Variants in RAB44 observed in about 807,000 individuals in gnomAD.
The protein encoded by RAB44 is ras-related protein Rab-44.
RAB44 carries 67 observed loss-of-function variants against 93.3 expected under a neutral mutation model. The observed-to-expected ratio is 0.72, with a 90% confidence interval of 0.59 to 0.88. The LOEUF (loss-of-function observed/expected upper bound fraction) is 0.88. Among genes scored for constraint, RAB44 ranks in the 40% least tolerant of loss-of-function variants. The probability of loss-of-function intolerance (pLI) is 0.00; values close to 1 mark genes in which losing one functional copy is unlikely to be tolerated. For synonymous variants in RAB44, 427 were observed against 520.3 expected, an observed-to-expected ratio of 0.82 and a Z score of 2.44; for missense variants, 1,064 against 1,261.7, an observed-to-expected ratio of 0.84 and a Z score of 2.37.
At position 36,721,529 on chromosome 6, in the gene RAB44, C is replaced by T; in HGVS notation, c.1395C>T (p.Asp465=). The stretch of plus-strand genomic sequence containing the variant: ...CAGAGCAGCCTGTTGAACCGCACGA[C>T]CCGGACCCCAACCAGGAGCCAGGGT... ...IRAEQPVEPH[D]PDPNQEPGST... Residue 465 remains aspartate (D), a synonymous_variant, in exon 9 of 14, where the codon GAC becomes GAT. Coordinates refer to ENST00000612677, the MANE Select transcript of RAB44 (RefSeq NM_001257357.2). 8.1e-7 allele frequency: 1 copy of T among 1,234,552 alleles called. No individual in the cohort carries two copies. Among genetic ancestry groups the T allele is most frequent in the Non-Finnish European group, 1.0e-6 (1 of 988,324 alleles). 76.5% of individuals were successfully genotyped at this position (1,234,552 alleles called of 1,614,324 possible). A position where few individuals can be genotyped will look rare whatever the true frequency, so the allele number is the denominator to read the frequency against.
chr6:36,727,646 C>G lies in RAB44; in HGVS notation c.2751C>G (p.Ser917=). Residue 917 remains serine (S), a synonymous_variant, in exon 11 of 14, where the codon TCC becomes TCG. Transcript: ENST00000612677. ...TGGTGCTCATGTACGACATCACCTCCCAGGAGAGCTTTGCCCACGTGCGCT... is the reference window on the plus strand; with the variant it reads ...TGGTGCTCATGTACGACATCACCTCGCAGGAGAGCTTTGCCCACGTGCGCT... ...DGVVLMYDIT[S]QESFAHVRYW... is the part of the protein sequence containing the mutation. The G allele has an allele frequency of 6.4e-7, 1 of 1,550,578 alleles. No homozygotes were observed. The highest frequency in any genetic ancestry group is 8.7e-7 in the Non-Finnish European group (1 of 1,146,970).
chr6:36,718,408 G>A, intron 6 of RAB44, 85 bp from the exon 7 acceptor site: 1 of 668,028 alleles, frequency 1.5e-6, no homozygotes, highest in Non-Finnish European at 2.1e-6. Flanking sequence ...ACCCCAGGTG[G>A]TGGAGGTGGA....
chr6:36,722,506 A>T lies in RAB44; in HGVS notation c.2372A>T (p.His791Leu). ...TAHAEEQGPP[H>L]SREPRAESRL... ...CACGCAGAAGAACAAGGCCCGCCTC[A>T]CTCCAGGGAACCAAGGGCAGAGAGC... Residue 791 changes from histidine to leucine, a missense_variant, in exon 9 of 14, where the codon CAC (histidine) becomes CTC (leucine). Transcript: ENST00000612677. 1 of 1,502,830 alleles carries T rather than the reference A, an allele frequency of 6.7e-7. No homozygotes were observed. Among genetic ancestry groups the T allele is most frequent in the Non-Finnish European group, 8.9e-7 (1 of 1,124,164 alleles). 93.1% of individuals were successfully genotyped at this position (1,502,830 alleles called of 1,614,324 possible). A position where few individuals can be genotyped will look rare whatever the true frequency, so the allele number is the denominator to read the frequency against.
At position 36,732,712 on chromosome 6, in the gene RAB44, G is replaced by T. The variant is rs1763389530; in HGVS notation, c.*619G>T. 1 of 152,114 alleles carries T rather than the reference G, an allele frequency of 6.6e-6. No individual in the cohort carries two copies. The highest frequency in any genetic ancestry group is 2.4e-5 in the African/African-American group (1 of 41,402). The allele number at this position is 152,114 out of a possible 1,614,324, so 9.4% of individuals were successfully genotyped here. A position where few individuals can be genotyped will look rare whatever the true frequency, so the allele number is the denominator to read the frequency against. On this transcript the variant is annotated 3_prime_UTR_variant, in exon 14 of 14. Transcript: ENST00000612677. ...TCTTCCCAGCAGAATCTGGTTCCTG[G>T]GAAGAGTAATGTTCCAAAGGCCTCT... is the stretch of plus-strand genomic sequence containing the variant.
rs956847891 is a variant in RAB44 at position 36,732,187 on chromosome 6, C to T, written c.*94C>T. The T allele has an allele frequency of 5.1e-6, 4 of 790,224 alleles. No individual in the cohort carries two copies. In the African/African-American group the frequency reaches 7.2e-5, roughly 14 times the overall value. The allele number at this position is 790,224 out of a possible 1,614,324, so 49.0% of individuals were successfully genotyped here. A position where few individuals can be genotyped will look rare whatever the true frequency, so the allele number is the denominator to read the frequency against. ...TCCTGGACAGCAACGACACAGAGGA[C>T]CAGCTTGGAGGTTCAGGAAAACCCT... On this transcript the variant is annotated 3_prime_UTR_variant, in exon 14 of 14. Transcript: ENST00000612677.
Position 36,732,186 on chromosome 6 carries a change from AC to A in RAB44, c.*95del. 1.3e-6 allele frequency: 1 copy of A among 793,914 alleles called. No individual in the cohort carries two copies. Among genetic ancestry groups the A allele is most frequent in the Non-Finnish European group, 1.7e-6 (1 of 587,170 alleles). The allele number at this position is 793,914 out of a possible 1,614,324, so 49.2% of individuals were successfully genotyped here. Reference sequence around the variant, plus strand: ...TTCCTGGACAGCAACGACACAGAGGACCAGCTTGGAGGTTCAGGAAAACCCT... The same window carrying A: ...TTCCTGGACAGCAACGACACAGAGGACAGCTTGGAGGTTCAGGAAAACCCT... On this transcript the variant is annotated 3_prime_UTR_variant, in exon 14 of 14. Coordinates refer to ENST00000612677, the MANE Select transcript of RAB44 (RefSeq NM_001257357.2).
chr6:36,721,706 C>T lies in RAB44; in HGVS notation c.1572C>T (p.Ala524=), dbSNP rs1179443510. The T allele has an allele frequency of 3.2e-6, 4 of 1,234,352 alleles. No individual in the cohort carries two copies. The highest frequency in any genetic ancestry group is 8.4e-5 in the Admixed American group (2 of 23,720). 76.5% of individuals were successfully genotyped at this position (1,234,352 alleles called of 1,614,324 possible). The stretch of plus-strand genomic sequence containing the variant: ...CTGGGTCCAGCAAACAGATCCAGGC[C>T]TCAGACCCAGATGACAAGGGCCCTG... The part of the protein sequence containing the change: ...APAGSSKQIQ[A]SDPDDKGPGS... The change falls in exon 9 of 14, where the codon GCC becomes GCT. Residue 524 remains alanine (A), a synonymous_variant. Coordinates refer to ENST00000612677, the MANE Select transcript of RAB44 (RefSeq NM_001257357.2).
At chr6:36,716,796 G>A (rs1762932926) in intron 4 of RAB44, among the ~76,000 whole-genome samples, 1 of 152,198 alleles carries the variant, frequency 6.6e-6, no homozygotes, top group African/African-American at 2.4e-5. Context: ...TTAAATCCAT[G>A]TGAAAGCAGC....
At chr6:36,720,786 CAT>C (rs1220132092) in intron 8 of RAB44, among the ~76,000 whole-genome samples, 4 of 152,322 alleles carry the variant, frequency 2.6e-5, no homozygotes, top group South Asian at 4.1e-4. Context: ...AAAACATGCA[CAT>C]GTGTGCATGT....
Position 36,722,355 on chromosome 6 carries a change from C to T in RAB44, c.2221C>T (p.Pro741Ser), listed in dbSNP as rs899340310. 3 of 1,342,448 alleles carry T rather than the reference C, an allele frequency of 2.2e-6. No homozygotes were observed. The highest frequency in any genetic ancestry group is 1.9e-6 in the Non-Finnish European group (2 of 1,048,490). 83.2% of individuals were successfully genotyped at this position (1,342,448 alleles called of 1,614,324 possible). The change falls in exon 9 of 14, where the codon CCT becomes TCT. Residue 741 changes from proline to serine, a missense_variant. Transcript: ENST00000612677. ...AEGPTPGKSA[P>S]PRGSPPRGAQ... Reference sequence around the variant, plus strand: ...AGGCCCCACTCCTGGAAAATCGGCACCTCCAAGGGGCTCTCCTCCCAGGGG... The same window carrying T: ...AGGCCCCACTCCTGGAAAATCGGCATCTCCAAGGGGCTCTCCTCCCAGGGG...
At position 36,722,494 on chromosome 6, in the gene RAB44, A is replaced by G. The variant is rs1307071445; in HGVS notation, c.2360A>G (p.Gln787Arg). 5.4e-6 allele frequency: 8 copies of G among 1,485,376 alleles called. No homozygotes were observed. The highest frequency in any genetic ancestry group is 1.4e-5 in the African/African-American group (1 of 71,306). The allele number at this position is 1,485,376 out of a possible 1,614,324, so 92.0% of individuals were successfully genotyped here. Residue 787 changes from glutamine (Q) to arginine (R), a missense_variant, in exon 9 of 14, where the codon CAA becomes CGA. Gln to Arg is a conservative substitution (Grantham distance 43). Coordinates refer to ENST00000612677, the MANE Select transcript of RAB44 (RefSeq NM_001257357.2). ...CTCACGACTGCTCACGCAGAAGAACAAGGCCCGCCTCACTCCAGGGAACCA... is the reference window on the plus strand; with the variant it reads ...CTCACGACTGCTCACGCAGAAGAACGAGGCCCGCCTCACTCCAGGGAACCA... ...PSLTTAHAEE[Q>R]GPPHSREPRA...
chr6:36,722,730 G>T lies in RAB44; in HGVS notation c.2596G>T (p.Val866Leu). The change falls in exon 9 of 14, where the codon GTG becomes TTG. Residue 866 changes from valine to leucine, a missense_variant. By Grantham distance (32) the Val-to-Leu change is conservative. Transcript: ENST00000612677. ...TTTCGCCACCGGATTGACAGCTACC[G>T]TGGGTAAGGGCATTGGGGAGGGCGG... ...NSFATGLTAT[V>L]GVDFRVKTLL... 25 of 1,550,632 alleles carry T rather than the reference G, an allele frequency of 1.6e-5. No homozygotes were observed. The highest frequency in any genetic ancestry group is 2.1e-5 in the Non-Finnish European group (24 of 1,147,004).
intron 7 of RAB44, among the ~76,000 whole-genome samples, chr6:36,720,066 A>G (rs1338751340): frequency 2.0e-5 from 3 of 152,142 alleles, no homozygotes; most frequent in African/African-American, 7.2e-5. Flanking sequence ...TAGGGCGCTG[A>G]GTAGAGGAGG....
intron 2 of RAB44, among the ~76,000 whole-genome samples, chr6:36,705,035 G>A (rs1762610233): frequency 6.6e-6 from 1 of 150,888 alleles, no homozygotes; most frequent in African/African-American, 2.5e-5. Context: ...CATGAGAATT[G>A]CTTGAGCCTG....
chr6:36,724,732 GT>G (rs1178451294), intron 9 of RAB44, among the ~76,000 whole-genome samples: 1 of 152,138 alleles, frequency 6.6e-6, no homozygotes, highest in Non-Finnish European at 1.5e-5. Flanking sequence ...CCTGCTGGGA[GT>G]ACCTGAGATC....
chr6:36,701,716 G>A (rs1455045905), intron 1 of RAB44, among the ~76,000 whole-genome samples: 1 of 152,122 alleles, frequency 6.6e-6, no homozygotes, highest in Non-Finnish European at 1.5e-5. Flanking sequence ...TGTGTCTCCT[G>A]CATGAGGCTG....
intron 2 of RAB44, among the ~76,000 whole-genome samples, chr6:36,710,517 T>C (rs1446669634): frequency 6.6e-6 from 1 of 151,976 alleles, no homozygotes; most frequent in Non-Finnish European, 1.5e-5. Flanking sequence ...CATACAAATA[T>C]CTGGGTCTTT....
intron 1 of RAB44, among the ~76,000 whole-genome samples, chr6:36,702,567 T>C (rs925126407): frequency 1.1e-4 from 16 of 152,288 alleles, no homozygotes; most frequent in Admixed American, 2.0e-4. Context: ...ATCTATTCCA[T>C]CTCCTGGGCA....
intron 2 of RAB44, among the ~76,000 whole-genome samples, chr6:36,709,714 C>A (rs1375928528): frequency 6.6e-6 from 1 of 152,128 alleles, no homozygotes; most frequent in Non-Finnish European, 1.5e-5. Flanking sequence ...CGCCACCATG[C>A]CAGGAGGATT....
Sources: gnomAD v4.1 joint callset for allele counts (sites outside exome capture counted in the v4.1 genomes callset) on GRCh38, gnomAD v4.1.1 for gene constraint, MANE v1.5 for transcripts, NCBI Gene and HGNC (gene_info 2026-07-23, HGNC 2026-07-21) for gene names.